Variants in TJP1 observed in about 807,000 individuals in gnomAD.
TJP1 encodes the protein tight junction protein ZO-1.
Under a neutral mutation model 194.2 loss-of-function variants are expected in TJP1, and 43 were observed. That is an observed-to-expected ratio of 0.22 (90% CI 0.17 to 0.29). The LOEUF (loss-of-function observed/expected upper bound fraction) is 0.29. Among genes scored for constraint, TJP1 ranks in the 10% least tolerant of loss-of-function variants. The probability of loss-of-function intolerance (pLI) is 1.00; values close to 1 mark genes in which losing one functional copy is unlikely to be tolerated. For synonymous variants in TJP1, 801 were observed against 779.0 expected (o/e 1.03, Z -0.47); for missense variants, 1,971 against 2,185.7 (o/e 0.90, Z 1.96).
intron 2 of TJP1, among the ~76,000 whole-genome samples, chr15:29,952,218 G>C (rs1371599827): frequency 6.6e-6 from 1 of 152,142 alleles, no homozygotes; most frequent in Non-Finnish European, 1.5e-5. Context: ...AAGGGCTCAG[G>C]TTTTCTAGGC....
chr15:29,913,446 T>G (rs562748814), intron 2 of TJP1, among the ~76,000 whole-genome samples: 1 of 152,234 alleles, frequency 6.6e-6, no homozygotes, highest in Non-Finnish European at 1.5e-5. Flanking sequence ...ATATTGTGTA[T>G]GTGCACACAC....
rs1429778540 is a variant in TJP1 at position 29,893,815 on chromosome 15, G to A, written c.306+62417C>T. 3.9e-5 allele frequency among the ~76,000 whole-genome samples: 6 copies of A among 152,138 alleles called. No homozygotes were observed. In the East Asian group the frequency reaches 7.7e-4, roughly 20 times the overall value. On this transcript the variant is annotated intron_variant, in intron 2 of 28. Coordinates refer to the TJP1 transcript ENST00000356107. Reference sequence around the variant, plus strand: ...GATATTTGCTTTATTGTGGTGGTCTGGAATCTAACCCACAACACCCCCAAG... The same window carrying A: ...GATATTTGCTTTATTGTGGTGGTCTAGAATCTAACCCACAACACCCCCAAG...
chr15:29,836,672 A>C (rs190740371), intron 2 of TJP1, among the ~76,000 whole-genome samples: 18 of 152,310 alleles, frequency 1.2e-4, no homozygotes, highest in Admixed American at 1.2e-3. Flanking sequence ...CAAATTCATG[A>C]GTTGAAACTT....
chr15:29,850,919 C>T (rs2051619162), intron 2 of TJP1, among the ~76,000 whole-genome samples: 2 of 152,122 alleles, frequency 1.3e-5, no homozygotes, highest in Non-Finnish European at 2.9e-5. Flanking sequence ...AGGTGAATCA[C>T]TTGAGGCCAG....
chr15:29,842,118 T>A, intron 2 of TJP1, among the ~76,000 whole-genome samples: 1 of 152,048 alleles, frequency 6.6e-6, no homozygotes. Context: ...ATTGATAGAG[T>A]CTTAGAAACT....
chr15:29,756,389 G>A (rs193135321), intron 8 of TJP1, among the ~76,000 whole-genome samples: 4 of 152,280 alleles, frequency 2.6e-5, no homozygotes. Context: ...TAACATTCCA[G>A]ACAAAGCATT....
At chr15:29,924,451 T>C (rs1341460025) in intron 2 of TJP1, among the ~76,000 whole-genome samples, 2 of 152,254 alleles carry the variant, frequency 1.3e-5, no homozygotes, top group South Asian at 2.1e-4. Flanking sequence ...AATATGCCCA[T>C]ACAAGAGATA....
At chr15:29,836,732 G>A (rs1478337429) in intron 2 of TJP1, among the ~76,000 whole-genome samples, 1 of 152,196 alleles carries the variant, frequency 6.6e-6, no homozygotes, top group East Asian at 1.9e-4. Flanking sequence ...AGGCAACTAA[G>A]TCATGGAGAC....
At chr15:29,795,653 G>T (rs988783813) in intron 2 of TJP1, among the ~76,000 whole-genome samples, 1 of 151,812 alleles carries the variant, frequency 6.6e-6, no homozygotes, top group Admixed American at 6.6e-5. Context: ...CAAAAGGAAG[G>T]AACACGTCCC....
At position 29,726,798 on chromosome 15, in the gene TJP1, T is replaced by A. The variant is rs1345532818; in HGVS notation, c.2294A>T (p.Asn765Ile). ...YERSHKLRKN[N>I]HHLFTTTINL... Reference sequence around the variant, plus strand: ...ATACTCACTTGTAAAAAGATGGTGATTATTTTTACGAAGTTTATGAGATCG... The same window carrying A: ...ATACTCACTTGTAAAAAGATGGTGAATATTTTTACGAAGTTTATGAGATCG... The change falls in exon 17 of 28, where the codon AAT (asparagine) becomes ATT (isoleucine). Residue 765 changes from asparagine (N) to isoleucine (I), a missense_variant. By Grantham distance (149) the Asn-to-Ile change is moderately radical (BLOSUM62 -3). Coordinates refer to ENST00000614355, the MANE Select transcript of TJP1 (RefSeq NM_001330239.4). The A allele has an allele frequency of 6.2e-7, 1 of 1,614,060 alleles. No homozygotes were observed. The highest frequency in any genetic ancestry group is 1.3e-5 in the African/African-American group (1 of 75,054).
intron 1 of TJP1, among the ~76,000 whole-genome samples, chr15:29,809,065 C>T (rs1461487483): frequency 2.6e-5 from 4 of 151,976 alleles, no homozygotes; most frequent in South Asian, 2.1e-4. Context: ...ATATATGATA[C>T]GAAATATGTG....
chr15:29,857,774 T>A (rs891571800), intron 2 of TJP1, among the ~76,000 whole-genome samples: 1 of 152,154 alleles, frequency 6.6e-6, no homozygotes, highest in Admixed American at 6.6e-5. Flanking sequence ...ATGACTCCAT[T>A]TTTTGAGATG....
At chr15:29,718,179 A>G (rs2151109465) in intron 21 of TJP1, 61 bp from the exon 22 acceptor site, 1 of 1,591,870 alleles carries the variant, frequency 6.3e-7, no homozygotes, top group South Asian at 1.2e-5. Context: ...AATTAACAGA[A>G]TAGATATCAT....
At chr15:29,850,535 T>C (rs1265435962) in intron 2 of TJP1, among the ~76,000 whole-genome samples, 2 of 151,840 alleles carry the variant, frequency 1.3e-5, no homozygotes, top group Non-Finnish European at 2.9e-5. Flanking sequence ...CAGGGTTTCA[T>C]CATGTTGGCC....
intron 1 of TJP1, among the ~76,000 whole-genome samples, chr15:29,964,856 G>T (rs1269985653): frequency 6.6e-6 from 1 of 152,198 alleles, no homozygotes; most frequent in African/African-American, 2.4e-5. Flanking sequence ...CTTGAAGAAG[G>T]GGATGAGGAA....
chr15:29,936,235 G>T (rs2054877817), intron 2 of TJP1, among the ~76,000 whole-genome samples: 1 of 151,830 alleles, frequency 6.6e-6, no homozygotes, highest in Non-Finnish European at 1.5e-5. Context: ...GCCATCTAAA[G>T]ATACTCAACA....
At chr15:29,799,861 G>A (rs561780438) in intron 2 of TJP1, among the ~76,000 whole-genome samples, 31 of 152,296 alleles carry the variant, frequency 2.0e-4, no homozygotes, top group East Asian at 3.9e-4. Context: ...GGTAGAAATA[G>A]TAAGTGTAAA....
At chr15:29,919,076 GC>G (rs1477414363) in intron 2 of TJP1, among the ~76,000 whole-genome samples, 2 of 152,208 alleles carry the variant, frequency 1.3e-5, no homozygotes, top group Non-Finnish European at 2.9e-5. Flanking sequence ...AGAGCAAAAA[GC>G]AGGTCATGCA....
chr15:29,946,299 C>A (rs1462359654), intron 2 of TJP1, among the ~76,000 whole-genome samples: 1 of 152,226 alleles, frequency 6.6e-6, no homozygotes, highest in Non-Finnish European at 1.5e-5. Context: ...TCAGCATAGA[C>A]GTGGCTGATT....
Sources: gnomAD v4.1 joint callset for allele counts (sites outside exome capture counted in the v4.1 genomes callset) on GRCh38, gnomAD v4.1.1 for gene constraint, MANE v1.5 for transcripts, NCBI Gene and HGNC (gene_info 2026-07-23, HGNC 2026-07-21) for gene names.